The following VEZT variants were observed in gnomAD, a reference collection of about 807,000 sequenced individuals.
VEZT encodes vezatin, adherens junctions transmembrane protein, also known as vezatin.
In VEZT, 39 loss-of-function variants were observed where a neutral mutation model predicts 79.9. That is an observed-to-expected ratio of 0.49 (90% CI 0.38 to 0.64). The LOEUF (loss-of-function observed/expected upper bound fraction) is 0.64, where lower values mean the gene tolerates loss of function less well. Among genes scored for constraint, VEZT ranks in the 30% least tolerant of loss-of-function variants. The pLI, the probability that VEZT is intolerant of heterozygous loss-of-function variation, is 0.00. For missense variants in VEZT, 837 were observed against 893.1 expected (o/e 0.94, Z 0.80); for synonymous variants, 325 against 327.6 (o/e 0.99, Z 0.09).
chr12:95,236,409 C>T (rs551487383), intron 1 of VEZT, among the ~76,000 whole-genome samples: 2 of 151,896 alleles, frequency 1.3e-5, no homozygotes, highest in Non-Finnish European at 2.9e-5. Context: ...AGAGGGAGAC[C>T]GTGGAAAGAG....
chr12:95,301,300 GA>G lies in VEZT; in HGVS notation c.*632del, dbSNP rs915798980. On this transcript the variant is annotated 3_prime_UTR_variant, in exon 12 of 12. Transcript: ENST00000436874. The stretch of plus-strand genomic sequence containing the variant: ...TAAGATGTCCTAGTGATCTTTAAAA[GA>G]AAAATATTGTACCATTTTTTAGAAT... 8 of 152,218 alleles carry G rather than the reference GA, an allele frequency of 5.3e-5. No homozygotes were observed. The highest frequency in any genetic ancestry group is 4.1e-4 in the South Asian group (2 of 4,826). 9.4% of individuals were successfully genotyped at this position (152,218 alleles called of 1,614,324 possible). A position where few individuals can be genotyped will look rare whatever the true frequency, so the allele number is the denominator to read the frequency against.
chr12:95,271,174 CTCTT>C (rs754902892), intron 6 of VEZT, among the ~76,000 whole-genome samples: 17 of 150,136 alleles, frequency 1.1e-4, no homozygotes, highest in Non-Finnish European at 1.8e-4. Context: ...ATTTTTCTCT[CTCTT>C]TCTCTCTCTT....
At position 95,300,756 on chromosome 12, in the gene VEZT, G is replaced by A; in HGVS notation, c.*83G>A. The A allele has an allele frequency of 7.0e-7, 1 of 1,433,332 alleles. No individual in the cohort carries two copies. Among genetic ancestry groups the A allele is most frequent in the East Asian group, 2.5e-5 (1 of 40,576 alleles). 88.8% of individuals were successfully genotyped at this position (1,433,332 alleles called of 1,614,324 possible). On this transcript the variant is annotated 3_prime_UTR_variant, in exon 12 of 12. Coordinates refer to ENST00000436874, the MANE Select transcript of VEZT (RefSeq NM_017599.4). ...TCAAGACTGGAAAGGGAATATGAGT[G>A]TAAGTTTACTATATATAAAGCTAAG...
intron 7 of VEZT, among the ~76,000 whole-genome samples, chr12:95,281,956 A>G (rs776733366): frequency 6.6e-6 from 1 of 151,956 alleles, no homozygotes; most frequent in Non-Finnish European, 1.5e-5. Flanking sequence ...ATATATATGT[A>G]TATATATCCA....
chr12:95,229,505 A>G (rs1305856889), intron 1 of VEZT, among the ~76,000 whole-genome samples: 1 of 152,188 alleles, frequency 6.6e-6, no homozygotes, highest in Non-Finnish European at 1.5e-5. Context: ...TTTATACCAT[A>G]TCATCCTTTG....
intron 1 of VEZT, chr12:95,243,926 C>T (rs1341793796): frequency 2.2e-6 from 1 of 455,964 alleles, no homozygotes; most frequent in Non-Finnish European, 4.4e-6. Flanking sequence ...TGACCTTCTA[C>T]CATATTATAT....
Position 95,252,089 on chromosome 12 carries a change from T to G in VEZT, c.168+18T>G. ...TACCAAAAGTAAGAACGCATGCTCA[T>G]TCTTTCTGGCCGAATCTTTTGCACT... On this transcript the variant is annotated intron_variant, in intron 2 of 11. Transcript: ENST00000436874. 1 of 1,597,094 alleles carries G rather than the reference T, an allele frequency of 6.3e-7. No homozygotes were observed. Among genetic ancestry groups the G allele is most frequent in the Non-Finnish European group, 8.5e-7 (1 of 1,174,338 alleles).
chr12:95,250,744 G>T (rs2062448198), intron 1 of VEZT, among the ~76,000 whole-genome samples: 1 of 104,720 alleles, frequency 9.5e-6, no homozygotes, highest in Non-Finnish European at 1.8e-5. Context: ...TGGGGTTGGG[G>T]TGATTTTTTT....
At chr12:95,254,388 C>T (rs958587718) in intron 2 of VEZT, among the ~76,000 whole-genome samples, 1 of 147,210 alleles carries the variant, frequency 6.8e-6, no homozygotes, top group Non-Finnish European at 1.5e-5. Flanking sequence ...ACTCTGTCGC[C>T]CAGGTTGGAG....
intron 11 of VEZT, among the ~76,000 whole-genome samples, chr12:95,297,565 T>C (rs2074426514): frequency 6.6e-6 from 1 of 152,286 alleles, no homozygotes; most frequent in African/African-American, 2.4e-5. Flanking sequence ...TTTTCAGTAC[T>C]TTTTTCTTCT....
rs138671629 is a variant in VEZT, at chr12:95,300,319, G to A, written c.1986G>A (p.Glu662=). 1,013 of 1,610,426 alleles carry A rather than the reference G, an allele frequency of 6.3e-4. 3 individuals carry two copies. The African/African-American group carries it at 7.1e-3, about 11-fold the overall frequency. The part of the protein sequence containing the change: ...ATTDNEISRT[E]YLCENSLEGK... ...CAGACAATGAAATAAGTAGGACTGA[G>A]TATTTATGTGAAAACTCTCTAGAAG... The change falls in exon 12 of 12, where the codon GAG becomes GAA. Residue 662 remains glutamate (E), a synonymous_variant. Transcript: ENST00000436874.
At chr12:95,235,245 C>T (rs1363968091) in intron 1 of VEZT, among the ~76,000 whole-genome samples, 4 of 146,680 alleles carry the variant, frequency 2.7e-5, no homozygotes, top group African/African-American at 7.7e-5. Flanking sequence ...CGGGCAGAGG[C>T]GCCCCTCACC....
Position 95,221,501 on chromosome 12 carries a change from G to T in VEZT, c.36+3615G>T, listed in dbSNP as rs546980778. On this transcript the variant is annotated intron_variant, in intron 1 of 11. Coordinates refer to ENST00000436874, the MANE Select transcript of VEZT (RefSeq NM_017599.4). Reference sequence around the variant, plus strand: ...AATCGCTTGAACCCAGGAGGCGGAGGTTGCTCTGGGTGACAGAGTAAGATT... The same window carrying T: ...AATCGCTTGAACCCAGGAGGCGGAGTTTGCTCTGGGTGACAGAGTAAGATT... Among the ~76,000 whole-genome samples the T allele has an allele frequency of 1.2e-3, 185 of 151,534 alleles. 1 individual carries two copies. The highest frequency in any genetic ancestry group is 3.4e-3 in the Middle Eastern group (1 of 294).
intron 7 of VEZT, among the ~76,000 whole-genome samples, chr12:95,276,267 T>TC (rs2067721845): frequency 6.2e-5 from 8 of 129,360 alleles, no homozygotes; most frequent in Admixed American, 2.3e-4. Flanking sequence ...TTCTTTTTTT[T>TC]TTTTTTTTTT....
At chr12:95,300,122 T>C (rs1328828494) in intron 11 of VEZT, 43 bp from the exon 12 acceptor site, 1 of 1,191,108 alleles carries the variant, frequency 8.4e-7, no homozygotes, top group African/African-American at 1.6e-5. Flanking sequence ...CATTGCTAGG[T>C]CCTTAGTTAT....
intron 10 of VEZT, among the ~76,000 whole-genome samples, chr12:95,295,183 C>T (rs963892271): frequency 6.6e-6 from 1 of 152,076 alleles, no homozygotes; most frequent in Non-Finnish European, 1.5e-5. Context: ...TTATATGAGA[C>T]CGAGTCTCAC....
chr12:95,261,503 C>A (rs147420157), intron 3 of VEZT, among the ~76,000 whole-genome samples: 2,330 of 152,208 alleles, frequency 0.015, 66 homozygotes, highest in African/African-American at 0.054. Context: ...CCTCCGCCTC[C>A]TGGGTTCAAG....
At position 95,274,809 on chromosome 12, in the gene VEZT, G is replaced by T; in HGVS notation, c.916G>T (p.Gly306Cys). ...CTGTGTGGTGCCTTTTAAAGAGCTG[G>T]GCCTTGGACTTAGTGAAGAGCAGAT... is the stretch of plus-strand genomic sequence containing the variant. The part of the protein sequence containing the change: ...YICVVPFKEL[G>C]LGLSEEQISE... The change falls in exon 7 of 12, where the codon GGC becomes TGC. Residue 306 changes from glycine to cysteine, a missense_variant. Gly to Cys is a radical substitution (Grantham distance 159). Transcript: ENST00000436874. 1.5e-5 allele frequency: 24 copies of T among 1,613,828 alleles called. No individual in the cohort carries two copies. The highest frequency in any genetic ancestry group is 1.9e-5 in the Non-Finnish European group (23 of 1,179,826).
chr12:95,283,639 A>G (rs1412603841), intron 8 of VEZT, among the ~76,000 whole-genome samples: 1 of 152,260 alleles, frequency 6.6e-6, no homozygotes, highest in Admixed American at 6.5e-5. Flanking sequence ...ATACAAGGAT[A>G]GGAACTTAAA....
Sources: gnomAD v4.1 joint callset for allele counts (sites outside exome capture counted in the v4.1 genomes callset) on GRCh38, gnomAD v4.1.1 for gene constraint, MANE v1.5 for transcripts, NCBI Gene and HGNC (gene_info 2026-07-23, HGNC 2026-07-21) for gene names.